CTNND2: variants seen among roughly 807,000 people sequenced by gnomAD.
CTNND2 encodes catenin delta-2.
CTNND2 carries 22 observed loss-of-function variants against 144.4 expected under a neutral mutation model. The ratio of observed to expected loss-of-function variants is 0.15; its 90% CI spans 0.11 to 0.22. CTNND2 has a LOEUF of 0.22. CTNND2 is among the 10% of genes least tolerant of loss of function. The probability of loss-of-function intolerance (pLI) is 1.00; values close to 1 mark genes in which losing one functional copy is unlikely to be tolerated. For synonymous variants in CTNND2, 751 were observed against 695.6 expected (o/e 1.08, Z -1.25); for missense variants, 1,353 against 1,618.8 (o/e 0.84, Z 2.82).
At chr5:11,895,628 AAGTG>A (rs1278211959) in intron 1 of CTNND2, among the ~76,000 whole-genome samples, 6 of 150,816 alleles carry the variant, frequency 4.0e-5, no homozygotes, top group Non-Finnish European at 5.9e-5. Flanking sequence ...CCTGTAGGAC[AAGTG>A]AGTAAGTTTA....
intron 9 of CTNND2, among the ~76,000 whole-genome samples, chr5:11,273,589 A>G (rs1163781848): frequency 6.6e-6 from 1 of 152,208 alleles, no homozygotes; most frequent in African/African-American, 2.4e-5. Context: ...AATTCCTTCC[A>G]TATCATGGGA....
chr5:11,472,637 T>A (rs1767338577), intron 3 of CTNND2, among the ~76,000 whole-genome samples: 1 of 152,236 alleles, frequency 6.6e-6, no homozygotes, highest in Non-Finnish European at 1.5e-5. Context: ...CTTCTAAGAA[T>A]GTTATAGTCT....
At chr5:11,125,763 C>T (rs6866025) in intron 12 of CTNND2, among the ~76,000 whole-genome samples, 115,201 of 152,192 alleles carry the variant, frequency 0.76, 44,305 homozygotes, top group African/African-American at 0.91. Context: ...ATTAAGACAG[C>T]GGGGGAAATG....
intron 9 of CTNND2, among the ~76,000 whole-genome samples, chr5:11,276,565 A>T (rs1416411145): frequency 6.6e-6 from 1 of 152,202 alleles, no homozygotes; most frequent in East Asian, 1.9e-4. Context: ...CACGACTTTA[A>T]CTAGACTAGG....
chr5:11,537,088 C>A (rs1244755090), intron 3 of CTNND2, among the ~76,000 whole-genome samples: 1 of 151,560 alleles, frequency 6.6e-6, no homozygotes, highest in African/African-American at 2.4e-5. Flanking sequence ...CTCTAGTAAC[C>A]CCTCCAATCA....
At chr5:11,698,508 C>G (rs1277874409) in intron 2 of CTNND2, among the ~76,000 whole-genome samples, 2 of 151,814 alleles carry the variant, frequency 1.3e-5, no homozygotes, top group African/African-American at 4.8e-5. Context: ...AGGATGGTCT[C>G]GATATCCTGA....
At chr5:11,799,965 G>A (rs1791592201) in intron 1 of CTNND2, among the ~76,000 whole-genome samples, 1 of 152,144 alleles carries the variant, frequency 6.6e-6, no homozygotes, top group Non-Finnish European at 1.5e-5. Flanking sequence ...ATTGACTAGG[G>A]TGGTAAAGTT....
intron 3 of CTNND2, among the ~76,000 whole-genome samples, chr5:11,500,253 A>T (rs1188725256): frequency 1.3e-5 from 2 of 152,210 alleles, no homozygotes; most frequent in African/African-American, 4.8e-5. Context: ...GACAATATGC[A>T]TGGGAGTGTC....
At chr5:11,408,717 C>T (rs1388542716) in intron 5 of CTNND2, among the ~76,000 whole-genome samples, 1 of 151,888 alleles carries the variant, frequency 6.6e-6, no homozygotes, top group African/African-American at 2.4e-5. Context: ...ATTTAACTTC[C>T]CTATTATAAA....
chr5:11,449,473 T>C (rs998993170), intron 3 of CTNND2, among the ~76,000 whole-genome samples: 2 of 152,174 alleles, frequency 1.3e-5, no homozygotes, highest in Non-Finnish European at 2.9e-5. Context: ...AAGACGCTAG[T>C]TGTCTCCTAC....
chr5:11,807,515 A>G (rs1419448686), intron 1 of CTNND2, among the ~76,000 whole-genome samples: 1 of 152,130 alleles, frequency 6.6e-6, no homozygotes, highest in Non-Finnish European at 1.5e-5. Context: ...CACACTCCCA[A>G]TGTCATCGAG....
At chr5:11,237,130 C>T (rs901593455) in intron 9 of CTNND2, among the ~76,000 whole-genome samples, 2 of 151,894 alleles carry the variant, frequency 1.3e-5, no homozygotes, top group African/African-American at 2.4e-5. Context: ...CGCCATTCTC[C>T]TGCCACAGCC....
chr5:11,896,991 T>C (rs1737444183), intron 1 of CTNND2, among the ~76,000 whole-genome samples: 1 of 152,198 alleles, frequency 6.6e-6, no homozygotes, highest in Non-Finnish European at 1.5e-5. Context: ...CCAGCCTTCC[T>C]GCATCAACCT....
intron 9 of CTNND2, among the ~76,000 whole-genome samples, chr5:11,312,766 TAC>T (rs1453232705): frequency 7.4e-6 from 1 of 134,260 alleles, no homozygotes; most frequent in African/African-American, 2.7e-5. Context: ...AACATGCTCT[TAC>T]ACAGTCTTTC....
intron 3 of CTNND2, among the ~76,000 whole-genome samples, chr5:11,443,879 A>G (rs1301528834): frequency 6.6e-6 from 1 of 152,196 alleles, no homozygotes. Context: ...GCATAAAAAA[A>G]CTAAGCATTG....
chr5:11,593,077 A>T (rs1392318656), intron 2 of CTNND2, among the ~76,000 whole-genome samples: 1 of 152,162 alleles, frequency 6.6e-6, no homozygotes, highest in Non-Finnish European at 1.5e-5. Flanking sequence ...AATCAACTCC[A>T]TCTGGAGTGA....
At chr5:11,644,949 T>C (rs547943430) in intron 2 of CTNND2, among the ~76,000 whole-genome samples, 1 of 152,118 alleles carries the variant, frequency 6.6e-6, no homozygotes, top group South Asian at 2.1e-4. Flanking sequence ...TAGTTATATA[T>C]ATGTATATAC....
chr5:11,699,172 T>C (rs560919836), intron 2 of CTNND2, among the ~76,000 whole-genome samples: 1 of 152,270 alleles, frequency 6.6e-6, no homozygotes, highest in African/African-American at 2.4e-5. Context: ...TTTGCCACAC[T>C]CAATCAGAAT....
At chr5:11,710,688 A>C (rs1184430137) in intron 2 of CTNND2, among the ~76,000 whole-genome samples, 1 of 152,160 alleles carries the variant, frequency 6.6e-6, no homozygotes, top group African/African-American at 2.4e-5. Context: ...ACAAACATGA[A>C]CTTTAACTCT....
Sources: allele counts gnomAD v4.1 joint callset (sites outside exome capture counted in the v4.1 genomes callset), GRCh38; gene constraint gnomAD v4.1.1; transcripts MANE v1.5; gene names NCBI Gene and HGNC (gene_info 2026-07-23, HGNC 2026-07-21).